The following IL1RAP variants were observed in gnomAD, a reference collection of about 807,000 sequenced individuals.
IL1RAP encodes the protein interleukin 1 receptor accessory protein.
A neutral mutation model predicts 60.7 loss-of-function variants in IL1RAP; 35 were observed. The ratio of observed to expected loss-of-function variants is 0.58; its 90% CI spans 0.44 to 0.76. The LOEUF (loss-of-function observed/expected upper bound fraction) is 0.76. Ranked by LOEUF, IL1RAP falls within the 30% of genes least tolerant of loss-of-function variation. The pLI is 0.00. For missense variants in IL1RAP, 572 were observed against 693.9 expected, an observed-to-expected ratio of 0.82 and a Z score of 1.97; for synonymous variants, 268 against 250.9, an observed-to-expected ratio of 1.07 and a Z score of -0.64.
At chr3:190,576,073 T>A (rs1196204604) in intron 3 of IL1RAP, among the ~76,000 whole-genome samples, 4 of 149,730 alleles carry the variant, frequency 2.7e-5, no homozygotes, top group African/African-American at 9.9e-5. Context: ...AAAAAAAAAA[T>A]AGTTAAATTC....
chr3:190,575,005 C>A (rs1477519884), intron 3 of IL1RAP, among the ~76,000 whole-genome samples: 1 of 150,612 alleles, frequency 6.6e-6, no homozygotes, highest in African/African-American at 2.5e-5. Context: ...TTTTTTTTAA[C>A]AGACTGATTA....
At chr3:190,533,998 A>G (rs1723214875) in intron 1 of IL1RAP, among the ~76,000 whole-genome samples, 1 of 151,172 alleles carries the variant, frequency 6.6e-6, no homozygotes, top group South Asian at 2.1e-4. Flanking sequence ...TTGGCTTACT[A>G]CTCATCTGAA....
chr3:190,529,209 G>A (rs1285353572), intron 1 of IL1RAP, among the ~76,000 whole-genome samples: 6 of 152,176 alleles, frequency 3.9e-5, no homozygotes, highest in African/African-American at 9.7e-5. Flanking sequence ...GGCTTCAGAC[G>A]GAGGAGTTTA....
At chr3:190,576,674 C>G (rs1039378073) in intron 3 of IL1RAP, among the ~76,000 whole-genome samples, 1 of 152,158 alleles carries the variant, frequency 6.6e-6, no homozygotes, top group Non-Finnish European at 1.5e-5. Flanking sequence ...CTGGAATAGG[C>G]TTTGTGGAGG....
At chr3:190,586,240 T>A (rs1217927519) in intron 3 of IL1RAP, among the ~76,000 whole-genome samples, 1 of 152,210 alleles carries the variant, frequency 6.6e-6, no homozygotes, top group East Asian at 1.9e-4. Context: ...TTTGCCTGAC[T>A]CTCCACCCAG....
intron 5 of IL1RAP, among the ~76,000 whole-genome samples, chr3:190,619,501 C>T (rs60476695): frequency 0.17 from 26,052 of 151,892 alleles, 2,890 homozygotes; most frequent in East Asian, 0.48. Flanking sequence ...CCCAGGCAGG[C>T]GGATCACGAG....
intron 1 of IL1RAP, among the ~76,000 whole-genome samples, chr3:190,520,349 C>T (rs1335024601): frequency 6.6e-6 from 1 of 152,110 alleles, no homozygotes; most frequent in Non-Finnish European, 1.5e-5. Context: ...AAGTTTGCCT[C>T]TACAGACTAA....
At chr3:190,655,120 G>A (rs917382494), downstream of IL1RAP, among the ~76,000 whole-genome samples, 17 of 152,258 alleles carry the variant, frequency 1.1e-4, no homozygotes, top group African/African-American at 3.8e-4. Flanking sequence ...GTCCGATGTT[G>A]TGTCCAAAAA....
At chr3:190,551,559 A>C (rs1275332016) in intron 1 of IL1RAP, among the ~76,000 whole-genome samples, 1 of 152,212 alleles carries the variant, frequency 6.6e-6, no homozygotes, top group African/African-American at 2.4e-5. Context: ...TCCAAGTAAA[A>C]GTTGGAAAGA....
chr3:190,534,931 AAAAG>A (rs1553828440), intron 1 of IL1RAP, among the ~76,000 whole-genome samples: 2 of 141,608 alleles, frequency 1.4e-5, no homozygotes, highest in African/African-American at 5.0e-5. Context: ...AAAAAAAAAA[AAAAG>A]AAAACCAGCA....
chr3:190,601,869 A>G (rs1412658289), intron 3 of IL1RAP, among the ~76,000 whole-genome samples: 1 of 152,180 alleles, frequency 6.6e-6, no homozygotes, highest in Non-Finnish European at 1.5e-5. Flanking sequence ...TTATTTATTA[A>G]TATGCTTTTG....
intron 3 of IL1RAP, among the ~76,000 whole-genome samples, chr3:190,600,377 A>G (rs1729752353): frequency 6.6e-6 from 1 of 152,204 alleles, no homozygotes; most frequent in Non-Finnish European, 1.5e-5. Context: ...CAAAGCATGT[A>G]ACTTTTTTAT....
At chr3:190,615,043 A>G (rs981613295) in intron 5 of IL1RAP, among the ~76,000 whole-genome samples, 1 of 141,668 alleles carries the variant, frequency 7.1e-6, no homozygotes, top group East Asian at 2.2e-4. Context: ...CCTCCTCCAC[A>G]TGCCTTCTCT....
intron 8 of IL1RAP, among the ~76,000 whole-genome samples, chr3:190,628,545 C>T (rs368427306): frequency 2.0e-5 from 3 of 152,084 alleles, no homozygotes; most frequent in Admixed American, 1.3e-4. Context: ...TTTTTCTCTG[C>T]GATAAGTAAA....
chr3:190,607,268 C>T (rs1399685383), intron 4 of IL1RAP, among the ~76,000 whole-genome samples: 2 of 152,158 alleles, frequency 1.3e-5, no homozygotes, highest in Admixed American at 1.3e-4. Context: ...TACACATAGA[C>T]TCCTTATCCC....
At chr3:190,594,996 A>G (rs1444775113) in intron 3 of IL1RAP, among the ~76,000 whole-genome samples, 1 of 152,138 alleles carries the variant, frequency 6.6e-6, no homozygotes, top group African/African-American at 2.4e-5. Flanking sequence ...TTATAATTGC[A>G]TATTCCTGTC....
chr3:190,624,574 A>T (rs1475186597), intron 7 of IL1RAP: 4 of 154,078 alleles, frequency 2.6e-5, no homozygotes, highest in African/African-American at 9.6e-5. Context: ...TAAAGATAAT[A>T]GTCAGTTGTT....
intron 1 of IL1RAP, among the ~76,000 whole-genome samples, chr3:190,522,107 G>GT (rs1432919469): frequency 6.6e-6 from 1 of 152,114 alleles, no homozygotes; most frequent in East Asian, 1.9e-4. Flanking sequence ...TTATACTTCA[G>GT]TTTCCCAATT....
chr3:190,554,357 C>T (rs960646193), intron 1 of IL1RAP, among the ~76,000 whole-genome samples: 1 of 152,120 alleles, frequency 6.6e-6, no homozygotes, highest in African/African-American at 2.4e-5. Context: ...GGTTACTACC[C>T]AGGAACAGGA....
Sources: allele counts gnomAD v4.1 joint callset (sites outside exome capture counted in the v4.1 genomes callset), GRCh38; gene constraint gnomAD v4.1.1; transcripts MANE v1.5; gene names NCBI Gene and HGNC (gene_info 2026-07-23, HGNC 2026-07-21).